Variants in TMPRSS9 observed in about 807,000 individuals in gnomAD.
TMPRSS9 encodes the protein transmembrane protease serine 9.
Under a neutral mutation model 111.4 loss-of-function variants are expected in TMPRSS9, and 113 were observed. The ratio of observed to expected loss-of-function variants is 1.01; its 90% CI spans 0.87 to 1.19. The LOEUF is 1.19. Ranked by LOEUF, TMPRSS9 falls within the 50% of genes most tolerant of loss-of-function variation. TMPRSS9 has a pLI of 0.00. For synonymous variants in TMPRSS9, 805 were observed against 659.1 expected (o/e 1.22, Z -3.39); for missense variants, 1,803 against 1,513.1 (o/e 1.19, Z -3.18).
chr19:2,425,237 A>G lies in TMPRSS9; in HGVS notation c.2953A>G (p.Ile985Val), dbSNP rs1971586445. 1.4e-6 allele frequency: 2 copies of G among 1,422,138 alleles called. No homozygotes were observed. The highest frequency in any genetic ancestry group is 1.8e-6 in the Non-Finnish European group (2 of 1,093,088). 88.1% of individuals were successfully genotyped at this position (1,422,138 alleles called of 1,614,324 possible). ...ACCCCCGGACGGCACGCGCTGCGTC[A>G]TCACCGGCTGGGGCTCGGTGCGCGA... The change falls in exon 16 of 18, where the codon ATC (isoleucine) becomes GTC (valine). Residue 985 changes from isoleucine (I) to valine (V), a missense_variant. Physicochemically the swap from Ile to Val is conservative, Grantham distance 29 (BLOSUM62 3). Coordinates refer to ENST00000648592, the Ensembl canonical transcript of TMPRSS9.
Position 2,424,084 on chromosome 19 carries a change from C to G in TMPRSS9, c.2549-5C>G, listed in dbSNP as rs768745192. ...CGCCTGCCCACGCGCCTGGCTCCCC[C>G]GCAGACTGTGGCCTGGCGCCGGCCG... On this transcript the variant is annotated splice_polypyrimidine_tract_variant and splice_region_variant and intron_variant, in intron 14 of 17. Coordinates refer to ENST00000648592, the Ensembl canonical transcript of TMPRSS9. The G allele has an allele frequency of 6.2e-6, 8 of 1,285,564 alleles. No homozygotes were observed. The South Asian group carries it at 9.4e-5, about 15-fold the overall frequency. 79.6% of individuals were successfully genotyped at this position (1,285,564 alleles called of 1,614,324 possible).
In TMPRSS9 at chr19:2,363,454, C is replaced by T. The variant is rs549995156; in HGVS notation, c.-26+3094C>T. Among the ~76,000 whole-genome samples, 9 of 148,846 alleles carry T rather than the reference C, an allele frequency of 6.0e-5. No individual in the cohort carries two copies. In the East Asian group the frequency reaches 1.2e-3, roughly 20 times the overall value. On this transcript the variant is annotated intron_variant, in intron 1 of 17. Coordinates refer to the TMPRSS9 transcript ENST00000649857. ...GGTGAGGGCGGAATGAAGGCAAAGGCGTCCCTTCTCTGATGGCAGACACAT... is the reference window on the plus strand; with the variant it reads ...GGTGAGGGCGGAATGAAGGCAAAGGTGTCCCTTCTCTGATGGCAGACACAT...
At chr19:2,416,510 G>A in intron 11 of TMPRSS9, 28 bp from the exon 13 acceptor site, 3 of 1,588,586 alleles carry the variant, frequency 1.9e-6, no homozygotes, top group Non-Finnish European at 2.6e-6. Flanking sequence ...CTGGAGGGCA[G>A]GCATGTCTGA....
rs1971484157 is a variant in TMPRSS9, at chr19:2,422,254, GGA to G, written c.2548+12_2548+13del. 3 of 1,499,714 alleles carry G rather than the reference GGA, an allele frequency of 2.0e-6. No individual in the cohort carries two copies. Among genetic ancestry groups the G allele is most frequent in the African/African-American group, 2.8e-5 (2 of 71,542 alleles). 92.9% of individuals were successfully genotyped at this position (1,499,714 alleles called of 1,614,324 possible). ...ACACACACCCAGCTACCAGGTACCG[GGA>G]GAGACGGAGGGATCCCTGGGAGTGG... On this transcript the variant is annotated splice_region_variant and intron_variant, in intron 14 of 17. Transcript: ENST00000648592.
chr19:2,380,816 TAC>T (rs1195256573), intron 1 of TMPRSS9, among the ~76,000 whole-genome samples: 2 of 152,124 alleles, frequency 1.3e-5, no homozygotes, highest in Non-Finnish European at 2.9e-5. Flanking sequence ...AGCTGACTAA[TAC>T]AGTTTCTCTA....
chr19:2,417,384 T>C (rs4807262), intron 12 of TMPRSS9, among the ~76,000 whole-genome samples: 26,281 of 150,994 alleles, frequency 0.17, 2,425 homozygotes, highest in Middle Eastern at 0.21. Context: ...GAGAATTGCT[T>C]GAATCTGGGA....
At chr19:2,373,042 C>G (rs890963849) in intron 1 of TMPRSS9, among the ~76,000 whole-genome samples, 43 of 151,978 alleles carry the variant, frequency 2.8e-4, no homozygotes, top group African/African-American at 9.4e-4. Context: ...CCATGTTGCT[C>G]AGGCTGGTCT....
chr19:2,388,640 A>C (rs548555850), upstream of TMPRSS9, among the ~76,000 whole-genome samples: 1 of 152,232 alleles, frequency 6.6e-6, no homozygotes, highest in Non-Finnish European at 1.5e-5. Flanking sequence ...AAATTCTTTG[A>C]GACAGGGTCT....
intron 13 of TMPRSS9, among the ~76,000 whole-genome samples, chr19:2,421,448 C>G (rs897898074): frequency 1.8e-4 from 28 of 151,686 alleles, no homozygotes; most frequent in Admixed American, 5.3e-4. Context: ...ACCACCACGC[C>G]CAGCTAATTT....
At chr19:2,370,680 C>T (rs1419705400) in intron 1 of TMPRSS9, among the ~76,000 whole-genome samples, 4 of 152,190 alleles carry the variant, frequency 2.6e-5, no homozygotes, top group Non-Finnish European at 4.4e-5. Flanking sequence ...GGGTAATTCA[C>T]CCAGGATGAA....
intron 1 of TMPRSS9, among the ~76,000 whole-genome samples, chr19:2,373,822 C>A (rs1970309433): frequency 6.6e-6 from 1 of 152,216 alleles, no homozygotes; most frequent in Admixed American, 6.5e-5. Flanking sequence ...CTTTGCCGTA[C>A]ACGTGGCCTA....
chr19:2,363,506 T>A (rs796815452), intron 1 of TMPRSS9, among the ~76,000 whole-genome samples: 53 of 104,796 alleles, frequency 5.1e-4, no homozygotes, highest in African/African-American at 1.8e-3. Context: ...TAGGAGCAGT[T>A]GTGGGGGGGT....
At chr19:2,387,881 A>G (rs1288714381), upstream of TMPRSS9, among the ~76,000 whole-genome samples, 3 of 152,178 alleles carry the variant, frequency 2.0e-5, no homozygotes, top group Non-Finnish European at 1.5e-5. Context: ...GGCACCCTTA[A>G]CGGCTGTGAC....
chr19:2,372,667 G>C (rs1970299829), intron 1 of TMPRSS9, among the ~76,000 whole-genome samples: 1 of 152,138 alleles, frequency 6.6e-6, no homozygotes, highest in South Asian at 2.1e-4. Flanking sequence ...TGAGTGATAA[G>C]AGAAAGATTC....
intron 1 of TMPRSS9, among the ~76,000 whole-genome samples, chr19:2,394,615 G>C (rs1970669415): frequency 6.9e-6 from 1 of 145,626 alleles, no homozygotes; most frequent in Non-Finnish European, 1.5e-5. Context: ...TTTCTTGAAC[G>C]AGAAAACATA....
chr19:2,425,457 T>G (rs1971597573), exon 17 of TMPRSS9: 1 of 1,592,404 alleles, frequency 6.3e-7, no homozygotes. Context: ...GCATGCTGTG[T>G]GCCGGCTTCC....
At position 2,376,255 on chromosome 19, in the gene TMPRSS9, C is replaced by G. The variant is rs947179886; in HGVS notation, c.-25-13506C>G. Among the ~76,000 whole-genome samples the G allele has an allele frequency of 4.6e-5, 7 of 152,248 alleles. No individual in the cohort carries two copies. The East Asian group carries it at 1.4e-3, about 29-fold the overall frequency. On this transcript the variant is annotated intron_variant, in intron 1 of 17. Coordinates refer to the TMPRSS9 transcript ENST00000649857. ...TCTTCCAGTCTCCCTGACCCTCACC[C>G]TCCCACCTCCTCTCATGAGAACACT...
intron 11 of TMPRSS9, 123 bp from the exon 13 acceptor site, chr19:2,416,414 AG>A (rs1971231653): frequency 1.5e-6 from 2 of 1,293,420 alleles, no homozygotes; most frequent in Non-Finnish European, 2.1e-6. Flanking sequence ...CGAAGGTCAG[AG>A]GATGGTCCTG....
chr19:2,403,106 C>G lies in TMPRSS9; in HGVS notation c.581C>G (p.Ser194Cys), dbSNP rs770258343. Reference sequence around the variant, plus strand: ...GGCCGCTGTCCAGGGAACTCCTTTTCCTGCGGGAACAGCCAGTGTGTGACC... The same window carrying G: ...GGCCGCTGTCCAGGGAACTCCTTTTGCTGCGGGAACAGCCAGTGTGTGACC... Residue 194 changes from serine (S) to cysteine (C), a missense_variant, in exon 6 of 18, where the codon TCC (serine) becomes TGC (cysteine). Physicochemically the swap from Ser to Cys is moderately radical, Grantham distance 112. Transcript: ENST00000648592. The G allele has an allele frequency of 1.9e-6, 3 of 1,611,762 alleles. No individual in the cohort carries two copies. The highest frequency in any genetic ancestry group is 2.5e-6 in the Non-Finnish European group (3 of 1,179,476).
Sources: gnomAD v4.1 joint callset for allele counts (sites outside exome capture counted in the v4.1 genomes callset) on GRCh38, gnomAD v4.1.1 for gene constraint, MANE v1.5 for transcripts, NCBI Gene and HGNC (gene_info 2026-07-23, HGNC 2026-07-21) for gene names.